The following COG8 variants were observed in gnomAD, a reference collection of about 807,000 sequenced individuals.
The protein encoded by COG8 is conserved oligomeric Golgi complex subunit 8.
In COG8, 45 loss-of-function variants were observed where a neutral mutation model predicts 46.5. The observed-to-expected ratio is 0.97, with a 90% confidence interval of 0.76 to 1.24. The LOEUF (loss-of-function observed/expected upper bound fraction) is 1.24, where lower values mean the gene tolerates loss of function less well. Ranked by LOEUF, COG8 falls within the 50% of genes most tolerant of loss-of-function variation. The probability of loss-of-function intolerance (pLI) is 0.00; values close to 1 mark genes in which losing one functional copy is unlikely to be tolerated. For missense variants in COG8, 793 were observed against 820.8 expected (o/e 0.97, Z 0.41); for synonymous variants, 407 against 347.8 (o/e 1.17, Z -1.90).
chr16:69,339,542 G>A lies in COG8; in HGVS notation c.11C>T (p.Ala4Val), dbSNP rs750023528. 8 of 1,608,890 alleles carry A rather than the reference G, an allele frequency of 5.0e-6. No homozygotes were observed. The highest frequency in any genetic ancestry group is 1.1e-5 in the South Asian group (1 of 90,990). The stretch of plus-strand genomic sequence containing the variant: ...CGTGGCTACCGATGGGATAGTCGCC[G>A]CGGTCGCCATCTTCCCAGCAACAAC... MAT[A>V]ATIPSVATAT... Residue 4 changes from alanine (A) to valine (V), a missense_variant, in exon 1 of 6, where the codon GCG becomes GTG. Transcript: ENST00000306875.
At chr16:69,330,045 C>T in intron 5 of COG8, 2 of 1,549,120 alleles carry the variant, frequency 1.3e-6, no homozygotes, top group South Asian at 1.2e-5. Context: ...AGGAAGCCGG[C>T]GACGCTCTCG....
intron 4 of COG8, among the ~76,000 whole-genome samples, chr16:69,331,473 A>AT (rs2011834391): frequency 7.0e-6 from 1 of 142,222 alleles, no homozygotes; most frequent in Non-Finnish European, 1.6e-5. Flanking sequence ...AAAAAAAAAA[A>AT]AAAAGGAAAT....
At chr16:69,329,313 C>T (rs985916243) in intron 5 of COG8, 134 bp from the exon 6 acceptor site, 8 of 934,428 alleles carry the variant, frequency 8.6e-6, no homozygotes, top group Non-Finnish European at 1.2e-5. Context: ...TAGACAGCAG[C>T]TCCTCTTCTA....
intron 4 of COG8, chr16:69,332,474 C>T (rs989126729): frequency 4.9e-6 from 3 of 612,786 alleles, no homozygotes; most frequent in Non-Finnish European, 8.7e-6. Flanking sequence ...TGTATGATTC[C>T]ATTTTTATGA....
At chr16:69,331,205 T>G in intron 4 of COG8, 110 bp from the exon 5 acceptor site, 211 of 1,089,572 alleles carry the variant, frequency 1.9e-4, no homozygotes, top group East Asian at 5.0e-4. Context: ...CCCAGCACTT[T>G]GGGAGGCCGG....
At chr16:69,330,572 G>C (rs2011733098) in intron 5 of COG8, 1 of 1,458,228 alleles carries the variant, frequency 6.9e-7, no homozygotes, top group South Asian at 1.4e-5. Context: ...CCGGGCCATG[G>C]CGGCCCCCTT....
intron 3 of COG8, among the ~76,000 whole-genome samples, chr16:69,333,897 A>C (rs575014474): frequency 2.6e-5 from 4 of 152,252 alleles, no homozygotes; most frequent in Non-Finnish European, 5.9e-5. Context: ...AGATGTAATT[A>C]AAGTCCCTAA....
Position 69,326,648 on chromosome 16 carries a change from TTGGACAG to T in COG8, c.*2551_*2557del, listed in dbSNP as rs1965601788. 1 of 152,194 alleles carries T rather than the reference TTGGACAG, an allele frequency of 6.6e-6. No homozygotes were observed. The highest frequency in any genetic ancestry group is 2.4e-5 in the African/African-American group (1 of 41,438). The allele number at this position is 152,194 out of a possible 1,614,324, so 9.4% of individuals were successfully genotyped here. On this transcript the variant is annotated 3_prime_UTR_variant, in exon 6 of 6. Coordinates refer to ENST00000306875, the MANE Select transcript of COG8 (RefSeq NM_032382.5). The stretch of plus-strand genomic sequence containing the variant: ...CAACAGGAACCACTGACGCTGAACT[TTGGACAG>T]TGGCCTCAGACTCTGGCTGCCAGCA...
chr16:69,338,969 G>T, intron 1 of COG8: 1 of 700,680 alleles, frequency 1.4e-6, no homozygotes, highest in Non-Finnish European at 2.3e-6. Flanking sequence ...ACTCCAGCCT[G>T]GCGACAGGGC....
Position 69,328,916 on chromosome 16 carries a change from T to G in COG8, c.*290A>C. 1.4e-6 allele frequency: 2 copies of G among 1,425,564 alleles called. No individual in the cohort carries two copies. Among genetic ancestry groups the G allele is most frequent in the Middle Eastern group, 1.8e-4 (1 of 5,608 alleles). The allele number at this position is 1,425,564 out of a possible 1,614,324, so 88.3% of individuals were successfully genotyped here. A position where few individuals can be genotyped will look rare whatever the true frequency, so the allele number is the denominator to read the frequency against. Reference sequence around the variant, plus strand: ...GCCATGCCTTGGCAATCCAGTTTCCTGTCATATGCGAGCCATCCAAGTTGA... The same window carrying G: ...GCCATGCCTTGGCAATCCAGTTTCCGGTCATATGCGAGCCATCCAAGTTGA... On this transcript the variant is annotated 3_prime_UTR_variant, in exon 6 of 6. Transcript: ENST00000306875.
intron 4 of COG8, among the ~76,000 whole-genome samples, chr16:69,332,365 G>GT (rs1200291099): frequency 6.6e-6 from 1 of 151,976 alleles, no homozygotes; most frequent in African/African-American, 2.4e-5. Flanking sequence ...AAAAAAGACT[G>GT]TAAAAACCAT....
intron 5 of COG8, chr16:69,330,229 C>A (rs1349192976): frequency 6.9e-7 from 1 of 1,451,302 alleles, no homozygotes; most frequent in East Asian, 2.9e-5. Flanking sequence ...CCCCCAGCTG[C>A]GGCGCGCTTA....
intron 1 of COG8, 81 bp downstream of exon 1, chr16:69,339,095 C>G: frequency 6.3e-7 from 1 of 1,597,388 alleles, no homozygotes. Flanking sequence ...GTGGTAAACG[C>G]TTTATGTGTT....
Position 69,330,996 on chromosome 16 carries a change from G to A in COG8, c.1682C>T (p.Thr561Met), listed in dbSNP as rs143411142. 1.0e-4 allele frequency: 165 copies of A among 1,610,142 alleles called. No homozygotes were observed. In the African/African-American group the frequency reaches 1.9e-3, roughly 18 times the overall value. Residue 561 changes from threonine (T) to methionine (M), a missense_variant, in exon 5 of 6, where the codon ACG becomes ATG. Physicochemically the swap from Thr to Met is moderately conservative, Grantham distance 81. Transcript: ENST00000306875. Reference sequence around the variant, plus strand: ...CGCCTGGTCATCCAGGGTGAAAAGCGTCTCTCTCTTTGGCAGGATAAAGGC... The same window carrying A: ...CGCCTGGTCATCCAGGGTGAAAAGCATCTCTCTCTTTGGCAGGATAAAGGC... ...PLAFILPKRE[T>M]LFTLDDQALG...
intron 2 of COG8, among the ~76,000 whole-genome samples, 166 bp downstream of exon 2, chr16:69,336,339 G>C (rs940718115): frequency 6.6e-6 from 1 of 152,194 alleles, no homozygotes; most frequent in African/African-American, 2.4e-5. Context: ...CTTGGCACAT[G>C]ATTAATATGT....
chr16:69,329,137 C>G lies in COG8; in HGVS notation c.*69G>C. 6.2e-7 allele frequency: 1 copy of G among 1,608,572 alleles called. No homozygotes were observed. Among genetic ancestry groups the G allele is most frequent in the Non-Finnish European group, 8.5e-7 (1 of 1,178,958 alleles). On this transcript the variant is annotated 3_prime_UTR_variant, in exon 6 of 6. Coordinates refer to ENST00000306875, the MANE Select transcript of COG8 (RefSeq NM_032382.5). Reference sequence around the variant, plus strand: ...GTGCTGGATGATGCGGGCTGCCCACCCGCTCGCCTGCCACACCACCTGTTC... The same window carrying G: ...GTGCTGGATGATGCGGGCTGCCCACGCGCTCGCCTGCCACACCACCTGTTC...
rs1010968032 is a variant in COG8, at chr16:69,327,536, G to A, written c.*1670C>T. 3.3e-5 allele frequency: 5 copies of A among 151,930 alleles called. No individual in the cohort carries two copies. Among genetic ancestry groups the A allele is most frequent in the African/African-American group, 9.7e-5 (4 of 41,332 alleles). 9.4% of individuals were successfully genotyped at this position (151,930 alleles called of 1,614,324 possible). A position where few individuals can be genotyped will look rare whatever the true frequency, so the allele number is the denominator to read the frequency against. On this transcript the variant is annotated 3_prime_UTR_variant, in exon 6 of 6. Transcript: ENST00000306875. ...TTCTGCTTGGCCTCATGGGGCCTCA[G>A]AGAAAGCCACAAAGGAGGATGGGTC... is the stretch of plus-strand genomic sequence containing the variant.
In COG8 at chr16:69,330,081, G is replaced by A. The variant is rs1230915237; in HGVS notation, c.*26+732C>T. The stretch of plus-strand genomic sequence containing the variant: ...CAGCCCTCGGGAAAGGTGACCAGGC[G>A]GCTGTCAAGCACTCGCAGGCTGGGG... On this transcript the variant is annotated intron_variant, in intron 5 of 5. Coordinates refer to ENST00000306875, the MANE Select transcript of COG8 (RefSeq NM_032382.5). 10 of 1,571,554 alleles carry A rather than the reference G, an allele frequency of 6.4e-6. No individual in the cohort carries two copies. In the South Asian group the frequency reaches 8.1e-5, roughly 13 times the overall value.
intron 5 of COG8, chr16:69,329,904 G>T: frequency 7.2e-7 from 1 of 1,381,274 alleles, no homozygotes. Flanking sequence ...GGGAGGTCCG[G>T]CGTATGAACC....
Sources: gnomAD v4.1 joint callset for allele counts (sites outside exome capture counted in the v4.1 genomes callset) on GRCh38, gnomAD v4.1.1 for gene constraint, MANE v1.5 for transcripts, NCBI Gene and HGNC (gene_info 2026-07-23, HGNC 2026-07-21) for gene names.